Variants in NRG2 observed in about 807,000 individuals in gnomAD.
The protein encoded by NRG2 is pro-neuregulin-2, membrane-bound isoform.
Under a neutral mutation model 73.9 loss-of-function variants are expected in NRG2, and 27 were observed. That is an observed-to-expected ratio of 0.37 (90% CI 0.27 to 0.50). NRG2 has a LOEUF of 0.50. NRG2 is among the 20% of genes least tolerant of loss of function. NRG2 has a pLI of 0.96. For missense variants in NRG2, 1,126 were observed against 1,210.1 expected, an observed-to-expected ratio of 0.93 and a Z score of 1.03; for synonymous variants, 532 against 541.0, an observed-to-expected ratio of 0.98 and a Z score of 0.23.
chr5:139,876,418 A>G (rs1763177662), intron 3 of NRG2, among the ~76,000 whole-genome samples: 1 of 152,194 alleles, frequency 6.6e-6, no homozygotes, highest in African/African-American at 2.4e-5. Context: ...ATAGTTATAT[A>G]ACCTTGTGAA....
In NRG2 at chr5:139,989,604, T is replaced by C. The variant is rs187256339; in HGVS notation, c.700+52766A>G. On this transcript the variant is annotated intron_variant, in intron 1 of 9. Coordinates refer to ENST00000361474, the MANE Select transcript of NRG2 (RefSeq NM_004883.3). ...AAAAATATCCCGTGGCACGCAATAA[T>C]TTTTGCACTTAGTGGTATTTGTTAA... Among the ~76,000 whole-genome samples the C allele has an allele frequency of 1.7e-3, 265 of 151,860 alleles. 2 individuals carry two copies. The highest frequency in any genetic ancestry group is 6.1e-3 in the African/African-American group (254 of 41,502).
chr5:140,042,824 G>T lies in NRG2; in HGVS notation c.246C>A (p.Ala82=). The part of the protein sequence containing the change: ...QPRSPAARRA[A]ARSRAAAAGG... ...CGGCGGCTGCGGCTCGCGAACGGGC[G>T]GCGGCTCTCCGGGCTGCGGGGCTGC... Residue 82 remains alanine, a synonymous_variant, in exon 1 of 10, where the codon GCC becomes GCA. Coordinates refer to ENST00000361474, the MANE Select transcript of NRG2 (RefSeq NM_004883.3). 6.7e-7 allele frequency: 1 copy of T among 1,496,208 alleles called. No homozygotes were observed. Among genetic ancestry groups the T allele is most frequent in the Non-Finnish European group, 8.9e-7 (1 of 1,127,268 alleles). The allele number at this position is 1,496,208 out of a possible 1,614,324, so 92.7% of individuals were successfully genotyped here.
At chr5:139,921,120 T>G (rs894354488) in intron 1 of NRG2, among the ~76,000 whole-genome samples, 10 of 152,326 alleles carry the variant, frequency 6.6e-5, no homozygotes, top group South Asian at 4.1e-4. Context: ...TGGAGAGATA[T>G]TCCATGTTCA....
chr5:139,994,016 C>A (rs1757846634), intron 1 of NRG2, among the ~76,000 whole-genome samples: 1 of 152,064 alleles, frequency 6.6e-6, no homozygotes, highest in South Asian at 2.1e-4. Flanking sequence ...AAAAAGTAAT[C>A]TTATTATAAT....
chr5:139,854,598 C>T (rs1316697707), intron 6 of NRG2, among the ~76,000 whole-genome samples: 1 of 152,232 alleles, frequency 6.6e-6, no homozygotes, highest in Non-Finnish European at 1.5e-5. Flanking sequence ...CCTCCTGACT[C>T]TCCTCCAGAC....
At chr5:140,005,616 G>A (rs116490329) in intron 1 of NRG2, among the ~76,000 whole-genome samples, 2,073 of 152,268 alleles carry the variant, frequency 0.014, 45 homozygotes, top group African/African-American at 0.047. Flanking sequence ...GCTCGTGGTC[G>A]TCAAATTTTC....
chr5:139,919,243 C>T (rs896698656), intron 1 of NRG2, among the ~76,000 whole-genome samples: 3 of 152,014 alleles, frequency 2.0e-5, no homozygotes, highest in African/African-American at 7.3e-5. Flanking sequence ...CCCCATACAG[C>T]CTTGTATCAC....
At chr5:139,955,570 CCCTTAACATGTG>C (rs1402924650) in intron 1 of NRG2, among the ~76,000 whole-genome samples, 1 of 152,160 alleles carries the variant, frequency 6.6e-6, no homozygotes, top group Non-Finnish European at 1.5e-5. Context: ...GCTCACTCTG[CCCTTAACATGTG>C]CCTTGGACTG....
chr5:139,930,853 A>G (rs1052729948), intron 1 of NRG2, among the ~76,000 whole-genome samples: 1 of 152,226 alleles, frequency 6.6e-6, no homozygotes. Context: ...CTGTGCAGGG[A>G]ACATTGGGCC....
Position 139,847,857 on chromosome 5 carries a change from G to A in NRG2, c.*60C>T. On this transcript the variant is annotated 3_prime_UTR_variant, in exon 10 of 10. Transcript: ENST00000361474. ...TTTTCCTCCTTTCTCTCCAGTAGGCGGTCTCTGGTCTCCTTAAAGATAGTG... is the reference window on the plus strand; with the variant it reads ...TTTTCCTCCTTTCTCTCCAGTAGGCAGTCTCTGGTCTCCTTAAAGATAGTG... The A allele has an allele frequency of 1.0e-6, 1 of 990,990 alleles. No individual in the cohort carries two copies. The highest frequency in any genetic ancestry group is 1.3e-6 in the Non-Finnish European group (1 of 748,746). The allele number at this position is 990,990 out of a possible 1,614,324, so 61.4% of individuals were successfully genotyped here.
intron 1 of NRG2, among the ~76,000 whole-genome samples, chr5:139,950,817 C>T (rs1754143208): frequency 6.6e-6 from 1 of 152,196 alleles, no homozygotes; most frequent in Admixed American, 6.5e-5. Context: ...AGATCCACTT[C>T]ACATAATTGT....
chr5:140,017,212 G>C (rs1759857972), intron 1 of NRG2, among the ~76,000 whole-genome samples: 1 of 152,148 alleles, frequency 6.6e-6, no homozygotes, highest in Non-Finnish European at 1.5e-5. Flanking sequence ...GGGTAAGAAA[G>C]AAGGGAACAC....
intron 1 of NRG2, among the ~76,000 whole-genome samples, chr5:139,901,127 G>A (rs1364242998): frequency 6.6e-6 from 1 of 152,178 alleles, no homozygotes; most frequent in African/African-American, 2.4e-5. Flanking sequence ...ATGACTCACT[G>A]CCCTACCCCA....
Position 140,002,977 on chromosome 5 carries a change from T to G in NRG2, c.700+39393A>C, listed in dbSNP as rs540928111. Among the ~76,000 whole-genome samples the G allele has an allele frequency of 5.3e-5, 8 of 152,354 alleles. No homozygotes were observed. In the South Asian group the frequency reaches 1.7e-3, roughly 32 times the overall value. ...AGAATCCCAGATGGCTCCAAGATTTTTGACCTGAATAACTGGTCTTAACAT... is the reference window on the plus strand; with the variant it reads ...AGAATCCCAGATGGCTCCAAGATTTGTGACCTGAATAACTGGTCTTAACAT... On this transcript the variant is annotated intron_variant, in intron 1 of 9. Transcript: ENST00000361474.
chr5:140,012,171 A>G (rs1759415055), intron 1 of NRG2, among the ~76,000 whole-genome samples: 1 of 152,168 alleles, frequency 6.6e-6, no homozygotes, highest in African/African-American at 2.4e-5. Context: ...TTACCTCATT[A>G]ACTTTGACTT....
chr5:140,034,283 G>T (rs113769698), intron 1 of NRG2, among the ~76,000 whole-genome samples: 1 of 152,036 alleles, frequency 6.6e-6, no homozygotes, highest in Non-Finnish European at 1.5e-5. Flanking sequence ...TCTAAACCCG[G>T]GTCCATCCAG....
chr5:139,854,810 C>A (rs1761707329), intron 6 of NRG2, among the ~76,000 whole-genome samples: 1 of 151,336 alleles, frequency 6.6e-6, no homozygotes, highest in South Asian at 2.2e-4. Context: ...GGATGCCGAG[C>A]TAGGGAGCCT....
rs1344046115 is a variant in NRG2, at chr5:139,887,537, A to G, written c.701-26T>C. ...CTGTGGGTTACAAGGCAGGTAGGTG[A>G]GCACGGTGGTGGTAGGGGCAGTGCC... On this transcript the variant is annotated intron_variant, in intron 1 of 9. Transcript: ENST00000361474. This position sits in a 1 kb window ranked among gnomAD's most constrained non-coding sequence, Gnocchi z 4.5. 1.2e-6 allele frequency: 2 copies of G among 1,611,238 alleles called. No individual in the cohort carries two copies. Among genetic ancestry groups the G allele is most frequent in the Non-Finnish European group, 1.7e-6 (2 of 1,178,182 alleles).
intron 1 of NRG2, among the ~76,000 whole-genome samples, chr5:139,949,336 T>G (rs1012075753): frequency 3.3e-5 from 5 of 152,144 alleles, no homozygotes; most frequent in Admixed American, 2.6e-4. Flanking sequence ...TCAGAGATGA[T>G]CTCCCTCTCT....
Sources: allele counts gnomAD v4.1 joint callset (sites outside exome capture counted in the v4.1 genomes callset), GRCh38; gene constraint gnomAD v4.1.1; non-coding constraint Gnocchi (gnomAD v3.1); transcripts MANE v1.5; gene names NCBI Gene and HGNC (gene_info 2026-07-23, HGNC 2026-07-21).